SYT7: variants seen among roughly 807,000 people sequenced by gnomAD.
SYT7 encodes synaptotagmin-7.
A neutral mutation model predicts 75.1 loss-of-function variants in SYT7; 29 were observed. The ratio of observed to expected loss-of-function variants is 0.39; its 90% CI spans 0.29 to 0.53. SYT7 has a LOEUF of 0.53. SYT7 is among the 20% of genes least tolerant of loss of function. The probability of loss-of-function intolerance (pLI) is 0.77; values close to 1 mark genes in which losing one functional copy is unlikely to be tolerated. For synonymous variants in SYT7, 376 were observed against 401.7 expected (o/e 0.94, Z 0.76); for missense variants, 693 against 953.2 (o/e 0.73, Z 3.59).
intron 1 of SYT7, among the ~76,000 whole-genome samples, chr11:61,568,247 C>T (rs1239651948): frequency 6.6e-6 from 1 of 152,180 alleles, no homozygotes; most frequent in Non-Finnish European, 1.5e-5. Context: ...CTAGGGGCTG[C>T]TTGATATGAA....
In SYT7 at chr11:61,551,601, G is replaced by A. The variant is rs2063353078; in HGVS notation, c.136-138C>T. On this transcript the variant is annotated intron_variant, in intron 2 of 12. Coordinates refer to ENST00000539008, the MANE Select transcript of SYT7 (RefSeq NM_001365809.2). This position sits in a 1 kb window ranked among gnomAD's most constrained non-coding sequence, Gnocchi z 5.3. ...AAGGCCAGGACCAGTGTGCGAGGCT[G>A]TCACCGCGGTGGGGGCCAATCCCCT... 2.4e-6 allele frequency: 2 copies of A among 824,554 alleles called. No homozygotes were observed. Among genetic ancestry groups the A allele is most frequent in the East Asian group, 2.7e-5 (1 of 37,674 alleles). The allele number at this position is 824,554 out of a possible 1,614,324, so 51.1% of individuals were successfully genotyped here.
At chr11:61,560,048 G>A (rs975887644) in intron 1 of SYT7, among the ~76,000 whole-genome samples, 1 of 152,172 alleles carries the variant, frequency 6.6e-6, no homozygotes, top group Non-Finnish European at 1.5e-5. Context: ...TATTCCAGGT[G>A]CTCCACATGC....
chr11:61,526,127 C>T (rs1320273603), intron 9 of SYT7: 1 of 152,226 alleles, frequency 6.6e-6, no homozygotes, highest in African/African-American at 2.4e-5. Flanking sequence ...GCACCTTCCC[C>T]CAGAGACTCT....
chr11:61,541,396 A>C, intron 6 of SYT7: 3 of 630,440 alleles, frequency 4.8e-6, no homozygotes, highest in South Asian at 7.2e-5. Flanking sequence ...AGATGTCCAG[A>C]GAGATGCTGG....
intron 3 of SYT7, among the ~76,000 whole-genome samples, chr11:61,550,526 T>C (rs2063318814): frequency 1.3e-5 from 2 of 152,080 alleles, no homozygotes; most frequent in African/African-American, 4.8e-5. Flanking sequence ...GGCAGAGCCC[T>C]TTGGCTGGCA....
intron 5 of SYT7, among the ~76,000 whole-genome samples, chr11:61,543,367 G>A (rs887365719): frequency 1.4e-4 from 21 of 152,232 alleles, no homozygotes; most frequent in African/African-American, 4.6e-4. Context: ...TTCTAACAGA[G>A]AACAGGGTGA....
rs1388306535 is a variant in SYT7 at position 61,517,344 on chromosome 11, G to C, written c.*1283C>G. 5 of 398,550 alleles carry C rather than the reference G, an allele frequency of 1.3e-5. No homozygotes were observed. Among genetic ancestry groups the C allele is most frequent in the Non-Finnish European group, 2.2e-5 (5 of 226,108 alleles). 24.7% of individuals were successfully genotyped at this position (398,550 alleles called of 1,614,324 possible). A position where few individuals can be genotyped will look rare whatever the true frequency, so the allele number is the denominator to read the frequency against. ...GCAACCTCAGAACTCACAGAATCCT[G>C]GTCTTTTCCCTGCCTCCTTTCCCTG... On this transcript the variant is annotated 3_prime_UTR_variant, in exon 13 of 13. Coordinates refer to ENST00000539008, the MANE Select transcript of SYT7 (RefSeq NM_001365809.2).
intron 1 of SYT7, among the ~76,000 whole-genome samples, chr11:61,565,242 G>A (rs1246713190): frequency 2.6e-5 from 4 of 152,186 alleles, no homozygotes. Context: ...TGCGCATGCT[G>A]AGCAGATGGA....
chr11:61,558,268 C>A (rs2063546440), intron 1 of SYT7, among the ~76,000 whole-genome samples: 1 of 151,980 alleles, frequency 6.6e-6, no homozygotes, highest in Admixed American at 6.6e-5. Flanking sequence ...GCCAACATGG[C>A]AAAACCCCAT....
At chr11:61,581,530 G>T (rs1242734224), upstream of SYT7, among the ~76,000 whole-genome samples, 2 of 152,248 alleles carry the variant, frequency 1.3e-5, no homozygotes, top group African/African-American at 2.4e-5. Context: ...GAGGGCGTCA[G>T]CTCCGGACTC....
rs746606511 is a variant in SYT7, at chr11:61,523,926, G to A, written c.1657C>T (p.Leu553=). The change falls in exon 11 of 13, where the codon CTG becomes TTG. Residue 553 remains leucine, a synonymous_variant. Transcript: ENST00000539008. The surrounding 1 kb of genome is among the most constrained non-coding windows in gnomAD (Gnocchi z 5.0). ...CSDGSGSRGE[L]LLSLCYNPSA... ...GGGTTGTAGCAGAGAGACAAGAGCA[G>A]CTCCCCTCGGCTCCCCTGGGAGGCA... 1.7e-5 allele frequency: 28 copies of A among 1,613,872 alleles called. No homozygotes were observed. Among genetic ancestry groups the A allele is most frequent in the African/African-American group, 4.0e-5 (3 of 74,886 alleles).
At chr11:61,569,092 G>T (rs932801331) in intron 1 of SYT7, among the ~76,000 whole-genome samples, 3 of 152,100 alleles carry the variant, frequency 2.0e-5, no homozygotes, top group African/African-American at 7.2e-5. Context: ...CCATGACCTG[G>T]GCTGCTTCCC....
chr11:61,551,780 G>C lies in SYT7; in HGVS notation c.136-317C>G, dbSNP rs2063359665. On this transcript the variant is annotated intron_variant, in intron 2 of 12. Transcript: ENST00000539008. This position sits in a 1 kb window ranked among gnomAD's most constrained non-coding sequence, Gnocchi z 5.3. Reference sequence around the variant, plus strand: ...CTCTGGCCTAGCTCCCAGAAACACAGTTCCCTCTGCCACGGACAGACGGCT... The same window carrying C: ...CTCTGGCCTAGCTCCCAGAAACACACTTCCCTCTGCCACGGACAGACGGCT... 1.3e-5 allele frequency among the ~76,000 whole-genome samples: 2 copies of C among 152,152 alleles called. No homozygotes were observed. The highest frequency in any genetic ancestry group is 4.1e-4 in the South Asian group (2 of 4,820).
intron 1 of SYT7, among the ~76,000 whole-genome samples, chr11:61,562,993 G>T (rs1235884013): frequency 6.6e-6 from 1 of 152,132 alleles, no homozygotes; most frequent in Non-Finnish European, 1.5e-5. Flanking sequence ...AACGGGAGGG[G>T]GTGCCGCAGG....
intron 1 of SYT7, among the ~76,000 whole-genome samples, chr11:61,558,930 T>G (rs189588399): frequency 4.4e-4 from 67 of 152,224 alleles, no homozygotes; most frequent in Middle Eastern, 3.4e-3. Flanking sequence ...TTTTAGTAGA[T>G]ATGGGATTTT....
At chr11:61,568,084 G>A (rs895839146) in intron 1 of SYT7, among the ~76,000 whole-genome samples, 3 of 152,114 alleles carry the variant, frequency 2.0e-5, no homozygotes, top group Non-Finnish European at 4.4e-5. Flanking sequence ...CAGGGCAGAG[G>A]CTCCACACCT....
chr11:61,533,043 C>T lies in SYT7; in HGVS notation c.1146G>A (p.Glu382=). The T allele has an allele frequency of 6.2e-7, 1 of 1,613,608 alleles. No homozygotes were observed. The change falls in exon 8 of 13, where the codon GAG becomes GAA. Residue 382 remains glutamate (E), a synonymous_variant. Coordinates refer to ENST00000539008, the MANE Select transcript of SYT7 (RefSeq NM_001365809.2). ...TPHDESDRRT[E]PRSSVSDLVN... ...CGAGGTCTGAGACGGAGGAACGTGG[C>T]TCGGTCCGGCGGTCGGACTCATCGT...
In SYT7 at chr11:61,538,135, T is replaced by C. The variant is rs1265974096; in HGVS notation, c.1064+9A>G. 3.8e-5 allele frequency: 59 copies of C among 1,535,810 alleles called. No homozygotes were observed. The highest frequency in any genetic ancestry group is 4.8e-5 in the Non-Finnish European group (55 of 1,146,754). On this transcript the variant is annotated intron_variant, in intron 7 of 12. Coordinates refer to ENST00000539008, the MANE Select transcript of SYT7 (RefSeq NM_001365809.2). ...CGCCGCCGCCGCAGGCCCTCGCCTGTGCTCGTACCTCTTGTCCCCCTGAGC... is the reference window on the plus strand; with the variant it reads ...CGCCGCCGCCGCAGGCCCTCGCCTGCGCTCGTACCTCTTGTCCCCCTGAGC...
At chr11:61,528,372 G>C (rs143721000) in intron 8 of SYT7, among the ~76,000 whole-genome samples, 187 bp from the exon 9 acceptor site, 1 of 152,276 alleles carries the variant, frequency 6.6e-6, no homozygotes, top group East Asian at 1.9e-4. Context: ...GGGGAAGGGG[G>C]AGGGCAGAGC....
Sources: gnomAD v4.1 joint callset for allele counts (sites outside exome capture counted in the v4.1 genomes callset) on GRCh38, gnomAD v4.1.1 for gene constraint, Gnocchi (gnomAD v3.1) non-coding constraint, MANE v1.5 for transcripts, NCBI Gene and HGNC (gene_info 2026-07-23, HGNC 2026-07-21) for gene names.